Variants in TMEM217 observed in about 807,000 individuals in gnomAD.
The protein encoded by TMEM217 is transmembrane protein 217, also known as chromosome 6 open reading frame 128.
For synonymous variants in TMEM217, 76 were observed against 88.3 expected (o/e 0.86, Z 0.78); for missense variants, 204 against 248.8 (o/e 0.82, Z 1.21).
chr6:37,215,218 A>G, downstream of TMEM217: 1 of 1,614,028 alleles, frequency 6.2e-7, no homozygotes, highest in Non-Finnish European at 8.5e-7. Context: ...TCTATTGTGT[A>G]TCTACAGGTG....
chr6:37,246,722 G>T (rs1658740918), intron 1 of TMEM217, among the ~76,000 whole-genome samples: 1 of 152,104 alleles, frequency 6.6e-6, no homozygotes, highest in African/African-American at 2.4e-5. Context: ...GGGCAACATA[G>T]TGAGACCCTA....
chr6:37,255,337 C>G (rs1039502842), intron 1 of TMEM217, among the ~76,000 whole-genome samples: 5 of 152,038 alleles, frequency 3.3e-5, no homozygotes, highest in Admixed American at 6.5e-5. Flanking sequence ...CAATGGGGGC[C>G]ATTGCAAAGT....
chr6:37,226,450 G>A (rs575725367), intron 1 of TMEM217, among the ~76,000 whole-genome samples: 5 of 150,724 alleles, frequency 3.3e-5, no homozygotes, highest in Middle Eastern at 3.5e-3. Flanking sequence ...CTGCCACGGC[G>A]CCCAGCTAAT....
chr6:37,212,795 T>C (rs1332514738), downstream of TMEM217: 3 of 742,556 alleles, frequency 4.0e-6, no homozygotes, highest in African/African-American at 1.7e-5. Context: ...CCAGTGCTGA[T>C]ATTAGCCCTG....
chr6:37,243,294 G>A (rs1033499158), intron 1 of TMEM217, among the ~76,000 whole-genome samples: 2 of 152,168 alleles, frequency 1.3e-5, no homozygotes, highest in Non-Finnish European at 2.9e-5. Context: ...TAAGGTTTAC[G>A]TTTTCCAGCT....
At chr6:37,215,597 A>AAAAAAAAG (rs1561998656), downstream of TMEM217, among the ~76,000 whole-genome samples, 1 of 146,878 alleles carries the variant, frequency 6.8e-6, no homozygotes, top group African/African-American at 2.5e-5. Flanking sequence ...AAAAAAAAAA[A>AAAAAAAAG]AAAAGAAAAG....
At chr6:37,254,296 C>A (rs779054880) in intron 1 of TMEM217, among the ~76,000 whole-genome samples, 20 of 152,146 alleles carry the variant, frequency 1.3e-4, no homozygotes, top group Non-Finnish European at 2.5e-4. Context: ...CCAAGAAGGA[C>A]CTCCATCAGA....
downstream of TMEM217, among the ~76,000 whole-genome samples, chr6:37,216,321 C>T (rs572201098): frequency 1.3e-5 from 2 of 152,184 alleles, no homozygotes; most frequent in South Asian, 2.1e-4. Flanking sequence ...TCAAGTGATC[C>T]GCCCGCTTTG....
At chr6:37,218,884 G>A in exon 2 of TMEM217, 1 of 1,614,194 alleles carries the variant, frequency 6.2e-7, no homozygotes, top group Non-Finnish European at 8.5e-7. Flanking sequence ...TTGCACCCCT[G>A]TACTTTGGTG....
intron 1 of TMEM217, among the ~76,000 whole-genome samples, chr6:37,237,902 G>A (rs1764578834): frequency 6.6e-6 from 1 of 152,106 alleles, no homozygotes; most frequent in Non-Finnish European, 1.5e-5. Context: ...GAAGGATAAT[G>A]AGCTCAGAAT....
At chr6:37,242,008 A>ATTTT (rs35494889) in intron 1 of TMEM217, among the ~76,000 whole-genome samples, 1 of 130,034 alleles carries the variant, frequency 7.7e-6, no homozygotes, top group Non-Finnish European at 1.7e-5. Flanking sequence ...TTCGATCTCA[A>ATTTT]TTTTTTTTTT....
At chr6:37,238,427 CCTT>C (rs903628230) in intron 1 of TMEM217, among the ~76,000 whole-genome samples, 1 of 152,200 alleles carries the variant, frequency 6.6e-6, no homozygotes, top group African/African-American at 2.4e-5. Context: ...CCTATTTCCA[CCTT>C]CTTTGCTACC....
At chr6:37,239,852 T>C (rs1764675735) in intron 1 of TMEM217, among the ~76,000 whole-genome samples, 1 of 151,186 alleles carries the variant, frequency 6.6e-6, no homozygotes, top group Admixed American at 6.6e-5. Flanking sequence ...CCCAGGGGTT[T>C]CAGACCAGCC....
chr6:37,257,730 C>G, exon 1 of TMEM217: 1 of 606,924 alleles, frequency 1.6e-6, no homozygotes, highest in Non-Finnish European at 2.8e-6. Flanking sequence ...CCACGGCTTG[C>G]GCAGCTCACC....
At chr6:37,216,122 A>C (rs1270670211), downstream of TMEM217, among the ~76,000 whole-genome samples, 1 of 152,082 alleles carries the variant, frequency 6.6e-6, no homozygotes. Context: ...TCTGTTGCCC[A>C]GGCTGCAGTG....
At chr6:37,250,318 A>G (rs1765327611) in intron 1 of TMEM217, among the ~76,000 whole-genome samples, 1 of 152,214 alleles carries the variant, frequency 6.6e-6, no homozygotes, top group African/African-American at 2.4e-5. Flanking sequence ...AGGTATTGGT[A>G]ATATCCTGTT....
At chr6:37,233,819 G>A (rs1026237738) in intron 1 of TMEM217, among the ~76,000 whole-genome samples, 1 of 152,144 alleles carries the variant, frequency 6.6e-6, no homozygotes, top group African/African-American at 2.4e-5. Flanking sequence ...ACTAACTTAA[G>A]TCGATGGTTC....
exon 1 of TMEM217, chr6:37,257,957 G>T (rs765549865): frequency 6.2e-7 from 1 of 1,614,116 alleles, no homozygotes. Context: ...GAAGAGGAGC[G>T]CTAAGCTGCC....
intron 1 of TMEM217, among the ~76,000 whole-genome samples, chr6:37,236,485 C>A (rs952362384): frequency 3.3e-5 from 5 of 151,924 alleles, no homozygotes; most frequent in African/African-American, 1.2e-4. Flanking sequence ...TCTGAGTAAC[C>A]AAGGATATCC....
Sources: gnomAD v4.1 joint callset for allele counts (sites outside exome capture counted in the v4.1 genomes callset) on GRCh38, gnomAD v4.1.1 for gene constraint, MANE v1.5 for transcripts, NCBI Gene and HGNC (gene_info 2026-07-23, HGNC 2026-07-21) for gene names.